The following GOLGA8A variants were observed in gnomAD, a reference collection of about 807,000 sequenced individuals.
The protein encoded by GOLGA8A is golgin A8 family member A, also known as golgin subfamily A member 8A.
GOLGA8A carries 3 observed loss-of-function variants against 22.1 expected under a neutral mutation model. That is an observed-to-expected ratio of 0.14 (90% CI 0.06 to 0.35). The LOEUF (loss-of-function observed/expected upper bound fraction) is 0.35, where lower values mean the gene tolerates loss of function less well. Ranked by LOEUF, GOLGA8A falls within the 10% of genes least tolerant of loss-of-function variation. The probability of loss-of-function intolerance (pLI) is 1.00; values close to 1 mark genes in which losing one functional copy is unlikely to be tolerated. For synonymous variants in GOLGA8A, 7 were observed against 91.7 expected (o/e 0.08, Z 5.28); for missense variants, 16 against 233.2 (o/e 0.07, Z 6.07).
At chr15:34,436,741 C>T (rs1161329206) in intron 1 of GOLGA8A, among the ~76,000 whole-genome samples, 1 of 149,934 alleles carries the variant, frequency 6.7e-6, no homozygotes. Flanking sequence ...GGCCAGATCT[C>T]CCTCCAGCAG....
At chr15:34,422,694 C>T (rs1262076564) in intron 2 of GOLGA8A, among the ~76,000 whole-genome samples, 1 of 86,566 alleles carries the variant, frequency 1.2e-5, no homozygotes, top group African/African-American at 3.0e-5. Flanking sequence ...GCCTTGTGTA[C>T]GCTCGCGCTC....
chr15:34,421,536 T>G (rs1449841482), intron 2 of GOLGA8A, among the ~76,000 whole-genome samples: 1 of 141,618 alleles, frequency 7.1e-6, no homozygotes, highest in Admixed American at 7.4e-5. Flanking sequence ...AACGTACAGA[T>G]TACTCGTTTT....
intron 2 of GOLGA8A, among the ~76,000 whole-genome samples, chr15:34,431,350 A>T (rs374580451): frequency 0.11 from 13,746 of 128,876 alleles, 1,790 homozygotes; most frequent in South Asian, 0.27. Context: ...TATATATCTC[A>T]CACACACACA....
chr15:34,436,981 C>G (rs1229676456), intron 1 of GOLGA8A, among the ~76,000 whole-genome samples: 1 of 149,482 alleles, frequency 6.7e-6, no homozygotes, highest in Non-Finnish European at 1.5e-5. Flanking sequence ...CCGCCCGGCA[C>G]GGGGACTTGA....
chr15:34,419,044 A>G (rs1892691287), intron 2 of GOLGA8A: 1 of 140,154 alleles, frequency 7.1e-6, no homozygotes, highest in Admixed American at 7.5e-5. Flanking sequence ...AGCAGGGATT[A>G]CAGGCGTCCG....
rs1595676813 is a variant in GOLGA8A, at chr15:34,437,792, C to T, written c.-1606G>A. ...GCCGCACACCTCGACTGCTGATTAG[C>T]CCGACAGCTGAATAGCGGCGGGAGC... On this transcript the variant is annotated 5_prime_UTR_variant, in exon 1 of 25. Coordinates refer to ENST00000359187, the MANE Select transcript of GOLGA8A (RefSeq NM_181077.5). Among the ~76,000 whole-genome samples the T allele has an allele frequency of 6.7e-6, 1 of 149,080 alleles. No homozygotes were observed. Among genetic ancestry groups the T allele is most frequent in the East Asian group, 2.0e-4 (1 of 5,044 alleles).
At chr15:34,412,676 CT>C (rs1892481063) in intron 2 of GOLGA8A, among the ~76,000 whole-genome samples, 1 of 133,994 alleles carries the variant, frequency 7.5e-6, no homozygotes. Flanking sequence ...ATGCTAGCCA[CT>C]TTTAGAAATA....
intron 2 of GOLGA8A, among the ~76,000 whole-genome samples, chr15:34,421,390 T>C (rs1229258734): frequency 1.4e-5 from 2 of 142,148 alleles, no homozygotes; most frequent in African/African-American, 5.2e-5. Flanking sequence ...TCCAGCACTC[T>C]GCTCTGTATA....
In GOLGA8A at chr15:34,435,394, A is replaced by G. The variant is rs1742338452; in HGVS notation, c.-1134T>C. The stretch of plus-strand genomic sequence containing the variant: ...TCTTTTACAATTACCTTTTACTTTT[A>G]TCCAGCATTTCTTAGCTCGGTTGGC... On this transcript the variant is annotated 5_prime_UTR_variant, in exon 2 of 25. Coordinates refer to ENST00000359187, the MANE Select transcript of GOLGA8A (RefSeq NM_181077.5). 6.7e-6 allele frequency: 1 copy of G among 149,332 alleles called. No individual in the cohort carries two copies. Among genetic ancestry groups the G allele is most frequent in the Admixed American group, 6.7e-5 (1 of 14,824 alleles). 9.3% of individuals were successfully genotyped at this position (149,332 alleles called of 1,614,324 possible). A position where few individuals can be genotyped will look rare whatever the true frequency, so the allele number is the denominator to read the frequency against.
chr15:34,428,726 A>AGCAGG (rs1440598897), intron 2 of GOLGA8A: 1 of 147,536 alleles, frequency 6.8e-6, no homozygotes, highest in Non-Finnish European at 1.5e-5. Flanking sequence ...AGAGGGCCCA[A>AGCAGG]GCTGCAGGCG....
chr15:34,399,070 A>G (rs1891973830), intron 7 of GOLGA8A, 85 bp downstream of exon 7: 1 of 143,772 alleles, frequency 7.0e-6, no homozygotes, highest in Admixed American at 7.0e-5. Flanking sequence ...AATTTCTTGA[A>G]GAGAACCTTC....
Position 34,421,265 on chromosome 15 carries a change from G to A in GOLGA8A, c.-1122-13530C>T, listed in dbSNP as rs1039705738. On this transcript the variant is annotated intron_variant, in intron 2 of 24. Transcript: ENST00000359187. ...TTCAGCTACTAATTTTCCATTAAAC[G>A]ACAAGAAAATCGGCTATTGTGAGAA... is the stretch of plus-strand genomic sequence containing the variant. Among the ~76,000 whole-genome samples the A allele has an allele frequency of 5.6e-5, 8 of 143,058 alleles. 1 individual carries two copies. Among genetic ancestry groups the A allele is most frequent in the East Asian group, 2.2e-4 (1 of 4,580 alleles). 93.9% of individuals were successfully genotyped at this position (143,058 alleles called of 152,430 possible). A position where few individuals can be genotyped will look rare whatever the true frequency, so the allele number is the denominator to read the frequency against.
At chr15:34,426,249 C>T (rs536283067) in intron 2 of GOLGA8A, among the ~76,000 whole-genome samples, 9 of 149,958 alleles carry the variant, frequency 6.0e-5, no homozygotes, top group African/African-American at 2.0e-4. Context: ...GTCAGAATAA[C>T]GCTGCTTGCG....
intron 2 of GOLGA8A, among the ~76,000 whole-genome samples, chr15:34,433,646 C>T (rs537299510): frequency 2.0e-5 from 3 of 149,078 alleles, no homozygotes; most frequent in South Asian, 2.1e-4. Context: ...GCACAGGCAG[C>T]AGGACATGTG....
intron 2 of GOLGA8A, among the ~76,000 whole-genome samples, chr15:34,423,613 G>A (rs191302896): frequency 1.5e-4 from 22 of 148,930 alleles, no homozygotes; most frequent in East Asian, 1.0e-3. Flanking sequence ...CAAGGTCAAC[G>A]CTAGAACATA....
rs1893346894 is a variant in GOLGA8A at position 34,433,461 on chromosome 15, TG to T, written c.-1123+1921del. Among the ~76,000 whole-genome samples the T allele has an allele frequency of 1.3e-5, 2 of 149,274 alleles. 1 individual carries two copies. The highest frequency in any genetic ancestry group is 1.4e-4 in the Admixed American group (2 of 14,750). On this transcript the variant is annotated intron_variant, in intron 2 of 24. Transcript: ENST00000359187. Reference sequence around the variant, plus strand: ...GTGCACAGTAAGAAAGCTCATTCTTTGGGCTGGTTACCTTCCCAAACACGTT... The same window carrying T: ...GTGCACAGTAAGAAAGCTCATTCTTTGGCTGGTTACCTTCCCAAACACGTT...
chr15:34,433,804 A>G (rs1335728494), intron 2 of GOLGA8A, among the ~76,000 whole-genome samples: 3 of 149,742 alleles, frequency 2.0e-5, no homozygotes, highest in Non-Finnish European at 4.5e-5. Context: ...GAGACTGACA[A>G]TAAACAAACA....
chr15:34,433,457 T>C lies in GOLGA8A; in HGVS notation c.-1123+1926A>G, dbSNP rs763451096. ...CTCAGTGCACAGTAAGAAAGCTCAT[T>C]CTTTGGGCTGGTTACCTTCCCAAAC... On this transcript the variant is annotated intron_variant, in intron 2 of 24. Coordinates refer to ENST00000359187, the MANE Select transcript of GOLGA8A (RefSeq NM_181077.5). 2.0e-5 allele frequency among the ~76,000 whole-genome samples: 3 copies of C among 149,144 alleles called. 1 individual carries two copies. Among genetic ancestry groups the C allele is most frequent in the Non-Finnish European group, 4.5e-5 (3 of 67,168 alleles).
chr15:34,431,163 G>A (rs1893211253), intron 2 of GOLGA8A, among the ~76,000 whole-genome samples: 1 of 147,570 alleles, frequency 6.8e-6, no homozygotes, highest in African/African-American at 2.5e-5. Context: ...AACCAACTGC[G>A]GGAAACCATA....
Sources: gnomAD v4.1 joint callset for allele counts (sites outside exome capture counted in the v4.1 genomes callset) on GRCh38, gnomAD v4.1.1 for gene constraint, MANE v1.5 for transcripts, NCBI Gene and HGNC (gene_info 2026-07-23, HGNC 2026-07-21) for gene names.